The following TMCO1 variants were observed in gnomAD, a reference collection of about 807,000 sequenced individuals.
TMCO1 encodes the protein calcium load-activated calcium channel.
In TMCO1, 29 loss-of-function variants were observed where a neutral mutation model predicts 29.3. The observed-to-expected ratio is 0.99, with a 90% CI of 0.74 to 1.35. The LOEUF is 1.35. TMCO1 is among the 40% of genes most tolerant of loss of function. The pLI, the probability that TMCO1 is intolerant of heterozygous loss-of-function variation, is 0.00. For synonymous variants in TMCO1, 80 were observed against 77.1 expected, an observed-to-expected ratio of 1.04 and a Z score of -0.20; for missense variants, 173 against 225.5, an observed-to-expected ratio of 0.77 and a Z score of 1.49.
intron 5 of TMCO1, among the ~76,000 whole-genome samples, chr1:165,748,576 A>C (rs921636417): frequency 2.6e-5 from 4 of 152,176 alleles, no homozygotes; most frequent in African/African-American, 9.7e-5. Context: ...TCTAATGAAA[A>C]GAAGAGGGAG....
At chr1:165,724,306 T>G (rs1209943090), downstream of TMCO1, 4 of 446,052 alleles carry the variant, frequency 9.0e-6, no homozygotes, top group Admixed American at 9.8e-5. Flanking sequence ...ATACCATCAC[T>G]TTTAATATCT....
intron 2 of TMCO1, among the ~76,000 whole-genome samples, chr1:165,767,250 A>G (rs1652609054): frequency 6.6e-6 from 1 of 152,216 alleles, no homozygotes; most frequent in Non-Finnish European, 1.5e-5. Flanking sequence ...AGTTGTAGGA[A>G]TTCTAAGAAA....
chr1:165,725,140 T>C (rs1650821024), downstream of TMCO1: 1 of 428,146 alleles, frequency 2.3e-6, no homozygotes, highest in Non-Finnish European at 4.5e-6. Context: ...AAGACTGACT[T>C]AAGCAGAATT....
chr1:165,768,328 A>G, intron 1 of TMCO1, 59 bp from the exon 2 acceptor site: 5 of 1,563,190 alleles, frequency 3.2e-6, no homozygotes, highest in Non-Finnish European at 4.4e-6. Context: ...ACAACAAACA[A>G]AGTGGTTACT....
intron 2 of TMCO1, among the ~76,000 whole-genome samples, chr1:165,767,056 C>G (rs1652599345): frequency 6.6e-6 from 1 of 152,132 alleles, no homozygotes; most frequent in African/African-American, 2.4e-5. Flanking sequence ...GTCTCTAATT[C>G]TTTGTTTGCT....
chr1:165,729,299 C>A (rs1184542084), intron 6 of TMCO1, among the ~76,000 whole-genome samples: 1 of 148,030 alleles, frequency 6.8e-6, no homozygotes, highest in African/African-American at 2.5e-5. Context: ...TTTTTAAAAA[C>A]ATACTTTGTT....
At chr1:165,749,326 T>C (rs74121472) in intron 5 of TMCO1, among the ~76,000 whole-genome samples, 2,018 of 152,258 alleles carry the variant, frequency 0.013, 52 homozygotes, top group African/African-American at 0.047. Flanking sequence ...CTGATGCACA[T>C]TCCTGGTTAA....
chr1:165,737,202 A>G (rs528693214), intron 6 of TMCO1, among the ~76,000 whole-genome samples: 2 of 152,220 alleles, frequency 1.3e-5, no homozygotes, highest in South Asian at 4.1e-4. Context: ...ATGCCAAATA[A>G]AGCAAAAATT....
At chr1:165,759,192 G>T (rs1036219978) in intron 3 of TMCO1, among the ~76,000 whole-genome samples, 6 of 152,056 alleles carry the variant, frequency 3.9e-5, no homozygotes, top group African/African-American at 1.4e-4. Flanking sequence ...ATACAAGTAA[G>T]ACTTAAGTGG....
At chr1:165,768,592 G>A (rs1571236700) in intron 1 of TMCO1, 90 bp downstream of exon 1, 12 of 1,605,500 alleles carry the variant, frequency 7.5e-6, no homozygotes, top group Non-Finnish European at 9.4e-6. Context: ...AAGCAAGTAA[G>A]GCTCGCGATC....
chr1:165,737,274 G>T (rs1651425326), intron 6 of TMCO1, among the ~76,000 whole-genome samples: 2 of 151,888 alleles, frequency 1.3e-5, no homozygotes, highest in South Asian at 4.1e-4. Context: ...GGTTAACACA[G>T]ATTAGAGGAG....
intron 2 of TMCO1, among the ~76,000 whole-genome samples, chr1:165,766,124 G>A (rs1652555141): frequency 6.6e-6 from 1 of 152,194 alleles, no homozygotes; most frequent in African/African-American, 2.4e-5. Context: ...GATGTGGGTT[G>A]TAAGAAGAGT....
downstream of TMCO1, chr1:165,726,554 A>T (rs1468957762): frequency 2.1e-6 from 1 of 471,314 alleles, no homozygotes; most frequent in South Asian, 1.5e-5. Context: ...CAAGTTACTA[A>T]CCTCCCCTGC....
intron 6 of TMCO1, 148 bp from the exon 7 acceptor site, chr1:165,728,269 T>G: frequency 3.5e-6 from 2 of 565,854 alleles, no homozygotes; most frequent in Admixed American, 4.7e-5. Context: ...ACTTTTTTTT[T>G]TTTTTGAGAT....
At chr1:165,751,968 A>T in intron 5 of TMCO1, 134 bp downstream of exon 5, 1 of 720,990 alleles carries the variant, frequency 1.4e-6, no homozygotes, top group South Asian at 1.7e-5. Flanking sequence ...GGTAATGGAT[A>T]TACTATTCTT....
In TMCO1 at chr1:165,727,867, A is replaced by T. The variant is rs773659118; in HGVS notation, c.*156T>A. 19 of 591,480 alleles carry T rather than the reference A, an allele frequency of 3.2e-5. No homozygotes were observed. Among genetic ancestry groups the T allele is most frequent in the Non-Finnish European group, 5.7e-5 (18 of 318,356 alleles). The allele number at this position is 591,480 out of a possible 1,614,324, so 36.6% of individuals were successfully genotyped here. A position where few individuals can be genotyped will look rare whatever the true frequency, so the allele number is the denominator to read the frequency against. ...AGCACTATCAAGTTTGCTGGCTGCC[A>T]TTTTCACTCTAATCATACCCAAAAG... On this transcript the variant is annotated 3_prime_UTR_variant, in exon 7 of 7. Coordinates refer to ENST00000367881, the MANE Select transcript of TMCO1 (RefSeq NM_019026.6).
At chr1:165,735,418 C>T (rs1340958339) in intron 6 of TMCO1, among the ~76,000 whole-genome samples, 1 of 151,746 alleles carries the variant, frequency 6.6e-6, no homozygotes, top group Non-Finnish European at 1.5e-5. Flanking sequence ...ACCACAGCTA[C>T]TGGAAATAGA....
intron 2 of TMCO1, 74 bp downstream of exon 2, chr1:165,768,117 TA>T (rs1274503924): frequency 7.8e-7 from 1 of 1,285,310 alleles, no homozygotes; most frequent in Non-Finnish European, 1.1e-6. Flanking sequence ...CTGGTGCTCT[TA>T]AAATATTTAT....
At chr1:165,729,385 C>T (rs1479593512) in intron 6 of TMCO1, among the ~76,000 whole-genome samples, 4 of 149,864 alleles carry the variant, frequency 2.7e-5, no homozygotes, top group African/African-American at 7.4e-5. Context: ...GGCACGATGT[C>T]GGCTCACAGT....
Sources: gnomAD v4.1 joint callset for allele counts (sites outside exome capture counted in the v4.1 genomes callset) on GRCh38, gnomAD v4.1.1 for gene constraint, MANE v1.5 for transcripts, NCBI Gene and HGNC (gene_info 2026-07-23, HGNC 2026-07-21) for gene names.